SLC30A6: variants seen among roughly 807,000 people sequenced by gnomAD.
SLC30A6 encodes solute carrier family 30 member 6.
Under a neutral mutation model 63.0 loss-of-function variants are expected in SLC30A6, and 55 were observed. The observed-to-expected ratio is 0.87, with a 90% CI of 0.70 to 1.09. SLC30A6 has a LOEUF of 1.09. Among genes scored for constraint, SLC30A6 ranks in the 50% least tolerant of loss-of-function variants. The probability of loss-of-function intolerance (pLI) is 0.00; values close to 1 mark genes in which losing one functional copy is unlikely to be tolerated. For synonymous variants in SLC30A6, 224 were observed against 186.1 expected, an observed-to-expected ratio of 1.20 and a Z score of -1.66; for missense variants, 587 against 549.2, an observed-to-expected ratio of 1.07 and a Z score of -0.69.
At position 32,193,874 on chromosome 2, in the gene SLC30A6, C is replaced by T. The variant is rs778407828; in HGVS notation, c.402-15C>T. On this transcript the variant is annotated splice_polypyrimidine_tract_variant and intron_variant, in intron 7 of 13. Transcript: ENST00000282587. ...AGAACAAATTAAAGGTGAATGTTAT[C>T]GTTGTTCTTTTTAGGGGAAGATTAT... 7.5e-6 allele frequency: 12 copies of T among 1,589,844 alleles called. No homozygotes were observed. Among genetic ancestry groups the T allele is most frequent in the South Asian group, 2.2e-5 (2 of 90,158 alleles).
intron 5 of SLC30A6, among the ~76,000 whole-genome samples, chr2:32,187,887 A>G (rs1682977464): frequency 6.6e-6 from 1 of 151,968 alleles, no homozygotes; most frequent in Non-Finnish European, 1.5e-5. Flanking sequence ...TTACCCCCCA[A>G]TCCCATTTCT....
chr2:32,192,493 T>C, intron 6 of SLC30A6, 77 bp downstream of exon 6: 1 of 1,315,208 alleles, frequency 7.6e-7, no homozygotes, highest in Non-Finnish European at 1.1e-6. Flanking sequence ...TCAGACACAT[T>C]TGCTTTCAAG....
At chr2:32,169,250 G>C (rs750146021) in intron 1 of SLC30A6, among the ~76,000 whole-genome samples, 62 of 152,210 alleles carry the variant, frequency 4.1e-4, no homozygotes, top group Admixed American at 7.9e-4. Context: ...CTGGCTCACT[G>C]CTTGACTTCC....
At chr2:32,215,291 C>G (rs907302243) in intron 13 of SLC30A6, among the ~76,000 whole-genome samples, 4 of 151,912 alleles carry the variant, frequency 2.6e-5, no homozygotes, top group African/African-American at 9.7e-5. Flanking sequence ...GCCTCATGGG[C>G]TCAAGCCATC....
intron 10 of SLC30A6, chr2:32,203,291 G>A (rs1296585686): frequency 1.1e-5 from 10 of 924,840 alleles, no homozygotes; most frequent in Non-Finnish European, 1.5e-5. Flanking sequence ...AAGAGAAAGA[G>A]GTCAACTAAG....
intron 5 of SLC30A6, among the ~76,000 whole-genome samples, chr2:32,186,975 G>A (rs1356398243): frequency 7.7e-6 from 1 of 129,270 alleles, no homozygotes; most frequent in Non-Finnish European, 1.5e-5. Context: ...CTGCCTGGGA[G>A]ACAGAGCTAG....
intron 10 of SLC30A6, chr2:32,202,206 G>T: frequency 1.2e-6 from 1 of 813,042 alleles, no homozygotes; most frequent in Non-Finnish European, 1.9e-6. Flanking sequence ...TTCAAGTTAA[G>T]ACCTTTGGTC....
At chr2:32,172,682 T>G (rs917847240) in intron 2 of SLC30A6, among the ~76,000 whole-genome samples, 1 of 152,190 alleles carries the variant, frequency 6.6e-6, no homozygotes, top group Non-Finnish European at 1.5e-5. Context: ...TGGTCTCACT[T>G]TGAATTCATG....
intron 10 of SLC30A6, 92 bp downstream of exon 10, chr2:32,197,918 G>C (rs1683944950): frequency 1.3e-6 from 2 of 1,486,236 alleles, no homozygotes; most frequent in Non-Finnish European, 1.8e-6. Flanking sequence ...CAAGCTTCTA[G>C]CAGTTTCGCT....
At chr2:32,215,011 A>C (rs1165109034) in intron 13 of SLC30A6, among the ~76,000 whole-genome samples, 1 of 152,182 alleles carries the variant, frequency 6.6e-6, no homozygotes, top group Non-Finnish European at 1.5e-5. Context: ...CTCATGATTG[A>C]CAGTAGCTCT....
chr2:32,196,552 A>G (rs1016130009), intron 8 of SLC30A6, among the ~76,000 whole-genome samples: 13 of 152,088 alleles, frequency 8.5e-5, no homozygotes, highest in African/African-American at 2.9e-4. Flanking sequence ...AGTGTTTCAC[A>G]TTTTAGATTG....
chr2:32,168,474 G>A (rs1024647842), intron 1 of SLC30A6, among the ~76,000 whole-genome samples: 2 of 150,486 alleles, frequency 1.3e-5, no homozygotes, highest in Non-Finnish European at 3.0e-5. Context: ...AAAATATAAA[G>A]GAAAATAGCC....
chr2:32,205,556 A>G (rs1684681497), intron 11 of SLC30A6, among the ~76,000 whole-genome samples: 1 of 152,170 alleles, frequency 6.6e-6, no homozygotes, highest in Non-Finnish European at 1.5e-5. Flanking sequence ...AACCTGATGA[A>G]AGTCCATTAG....
rs376303842 is a variant in SLC30A6, at chr2:32,169,553, C to T, written c.4-1734C>T. Among the ~76,000 whole-genome samples, 716 of 152,246 alleles carry T rather than the reference C, an allele frequency of 4.7e-3. 9 individuals carry two copies. The highest frequency in any genetic ancestry group is 0.031 in the Admixed American group (471 of 15,284). ...CAGCACTTTGGGAGGCCAAGGCGGG[C>T]GGATCACGAGGTCAGGAGATCAAGA... On this transcript the variant is annotated intron_variant, in intron 1 of 13. Transcript: ENST00000282587.
intron 10 of SLC30A6, chr2:32,203,113 G>C: frequency 1.5e-6 from 2 of 1,307,074 alleles, no homozygotes; most frequent in Admixed American, 3.4e-5. Flanking sequence ...AGAGAAGGTA[G>C]TTTTAAAGTT....
At chr2:32,188,816 C>G (rs535224266) in intron 5 of SLC30A6, among the ~76,000 whole-genome samples, 1 of 152,292 alleles carries the variant, frequency 6.6e-6, no homozygotes, top group South Asian at 2.1e-4. Flanking sequence ...TAGAACATTA[C>G]AAGTCCCCCA....
Position 32,220,754 on chromosome 2 carries a change from G to C in SLC30A6, c.*41G>C. 2 of 1,543,596 alleles carry C rather than the reference G, an allele frequency of 1.3e-6. No homozygotes were observed. Among genetic ancestry groups the C allele is most frequent in the Non-Finnish European group, 1.8e-6 (2 of 1,142,502 alleles). The stretch of plus-strand genomic sequence containing the variant: ...TTTTATAAGGAATATTGACTCCTTG[G>C]CTTCCAATTTATTTAGTAATCCAAC... On this transcript the variant is annotated 3_prime_UTR_variant, in exon 14 of 14. Transcript: ENST00000282587.
At chr2:32,211,766 C>T (rs550048725) in intron 13 of SLC30A6, among the ~76,000 whole-genome samples, 1 of 152,072 alleles carries the variant, frequency 6.6e-6, no homozygotes, top group South Asian at 2.1e-4. Context: ...TACAGGCACG[C>T]ACCACCACGC....
chr2:32,193,101 G>A, intron 7 of SLC30A6, 148 bp downstream of exon 7: 1 of 495,764 alleles, frequency 2.0e-6, no homozygotes, highest in Non-Finnish European at 3.6e-6. Context: ...CTAATACTAA[G>A]ACTCCGTTTC....
Sources: allele counts gnomAD v4.1 joint callset (sites outside exome capture counted in the v4.1 genomes callset), GRCh38; gene constraint gnomAD v4.1.1; transcripts MANE v1.5; gene names NCBI Gene and HGNC (gene_info 2026-07-23, HGNC 2026-07-21).